The following CACNA2D3 variants were observed in gnomAD, a reference collection of about 807,000 sequenced individuals.
CACNA2D3 encodes voltage-dependent calcium channel subunit alpha-2/delta-3.
Under a neutral mutation model 160.6 loss-of-function variants are expected in CACNA2D3, and 60 were observed. That is an observed-to-expected ratio of 0.37 (90% confidence interval 0.30 to 0.46). The LOEUF is 0.46. CACNA2D3 is among the 20% of genes least tolerant of loss of function. The pLI is 1.00. For synonymous variants in CACNA2D3, 558 were observed against 492.9 expected (o/e 1.13, Z -1.75); for missense variants, 1,205 against 1,365.0 (o/e 0.88, Z 1.85).
At chr3:54,862,221 A>G (rs1042467051) in intron 17 of CACNA2D3, among the ~76,000 whole-genome samples, 4 of 152,202 alleles carry the variant, frequency 2.6e-5, no homozygotes, top group Non-Finnish European at 5.9e-5. Context: ...AGAGAGACTC[A>G]GCTGGAAGGA....
chr3:54,148,257 G>A (rs1700074210), intron 2 of CACNA2D3, among the ~76,000 whole-genome samples: 1 of 152,216 alleles, frequency 6.6e-6, no homozygotes, highest in South Asian at 2.1e-4. Context: ...TCCCTCCCTT[G>A]AAGGGCTCAC....
At chr3:54,612,878 C>G (rs1009497616) in intron 9 of CACNA2D3, among the ~76,000 whole-genome samples, 1 of 152,194 alleles carries the variant, frequency 6.6e-6, no homozygotes, top group East Asian at 1.9e-4. Context: ...TTATTACCCC[C>G]ACAGTCCTAC....
chr3:54,463,585 A>G (rs1575469798), intron 4 of CACNA2D3, among the ~76,000 whole-genome samples: 1 of 150,216 alleles, frequency 6.7e-6, no homozygotes, highest in Non-Finnish European at 1.5e-5. Context: ...AGGCTTCTGC[A>G]TTCTTCACAG....
At chr3:54,319,157 GACACACACACACACACAC>G (rs58790730) in intron 2 of CACNA2D3, among the ~76,000 whole-genome samples, 6 of 138,966 alleles carry the variant, frequency 4.3e-5, no homozygotes, top group Admixed American at 1.5e-4. Flanking sequence ...AGCATTTTGT[GACACACACACACACACAC>G]ACACACACAC....
chr3:54,938,141 T>C (rs575915188), intron 27 of CACNA2D3, among the ~76,000 whole-genome samples: 45 of 152,320 alleles, frequency 3.0e-4, no homozygotes, highest in Non-Finnish European at 4.9e-4. Context: ...GGCAGCAGAA[T>C]GGCAGAGTTG....
Position 54,386,791 on chromosome 3 carries a change from T to C in CACNA2D3, c.381+17T>C. Reference sequence around the variant, plus strand: ...GACTTACAGGTAACTGATTATAGTTTGAGTTAAATTGTTTTGTGTGTTTCC... The same window carrying C: ...GACTTACAGGTAACTGATTATAGTTCGAGTTAAATTGTTTTGTGTGTTTCC... On this transcript the variant is annotated intron_variant, in intron 4 of 37. Transcript: ENST00000474759. 6.3e-7 allele frequency: 1 copy of C among 1,576,700 alleles called. No homozygotes were observed. The highest frequency in any genetic ancestry group is 8.6e-7 in the Non-Finnish European group (1 of 1,158,900).
intron 27 of CACNA2D3, among the ~76,000 whole-genome samples, chr3:54,912,039 C>T (rs2106910764): frequency 6.6e-6 from 1 of 152,260 alleles, no homozygotes; most frequent in African/African-American, 2.4e-5. Context: ...CATCTGAAGG[C>T]TCAACAGAGG....
intron 2 of CACNA2D3, among the ~76,000 whole-genome samples, chr3:54,236,392 G>A (rs1354931080): frequency 6.6e-6 from 1 of 152,118 alleles, no homozygotes; most frequent in African/African-American, 2.4e-5. Context: ...GAGGAAACTG[G>A]GCGTGCGACA....
chr3:54,424,034 G>A (rs376596369), intron 4 of CACNA2D3, among the ~76,000 whole-genome samples: 1 of 152,132 alleles, frequency 6.6e-6, no homozygotes, highest in South Asian at 2.1e-4. Flanking sequence ...TACTATAGCT[G>A]CACACCACCA....
intron 2 of CACNA2D3, among the ~76,000 whole-genome samples, chr3:54,212,702 C>G (rs1211885585): frequency 6.6e-6 from 1 of 152,016 alleles, no homozygotes; most frequent in Non-Finnish European, 1.5e-5. Context: ...ATGCCCTTGG[C>G]TGAGAGGGGA....
chr3:54,985,786 G>C (rs924500862), intron 30 of CACNA2D3, among the ~76,000 whole-genome samples: 1 of 152,074 alleles, frequency 6.6e-6, no homozygotes, highest in East Asian at 1.9e-4. Context: ...TATAAACAGG[G>C]GCTCCAGGAA....
At chr3:54,316,495 C>T (rs962906455) in intron 2 of CACNA2D3, among the ~76,000 whole-genome samples, 1 of 152,112 alleles carries the variant, frequency 6.6e-6, no homozygotes, top group East Asian at 1.9e-4. Context: ...GAGATACTTC[C>T]CCAGGATGAT....
chr3:54,219,462 T>C (rs972749722), intron 2 of CACNA2D3, among the ~76,000 whole-genome samples: 3 of 152,214 alleles, frequency 2.0e-5, no homozygotes, highest in Admixed American at 6.5e-5. Flanking sequence ...TGTGGATGTT[T>C]AGAAGCATTA....
At chr3:54,269,089 C>T (rs1702570061) in intron 2 of CACNA2D3, among the ~76,000 whole-genome samples, 1 of 152,110 alleles carries the variant, frequency 6.6e-6, no homozygotes, top group Non-Finnish European at 1.5e-5. Context: ...TGAGCCCCTG[C>T]TCTGCTCAGC....
At chr3:54,920,273 T>C (rs1461250174) in intron 27 of CACNA2D3, among the ~76,000 whole-genome samples, 1 of 152,186 alleles carries the variant, frequency 6.6e-6, no homozygotes, top group Non-Finnish European at 1.5e-5. Context: ...AGATAAGTCA[T>C]AAGTGGCCCT....
At chr3:54,388,336 C>T (rs951765800) in intron 4 of CACNA2D3, among the ~76,000 whole-genome samples, 8 of 152,286 alleles carry the variant, frequency 5.3e-5, no homozygotes, top group Admixed American at 6.5e-5. Flanking sequence ...CAGTACTCAC[C>T]GTTGGCTGAA....
Position 54,675,874 on chromosome 3 carries a change from A to G in CACNA2D3, c.1167+33633A>G, listed in dbSNP as rs1166594594. Among the ~76,000 whole-genome samples the G allele has an allele frequency of 3.3e-5, 5 of 152,068 alleles. No individual in the cohort carries two copies. In the South Asian group the frequency reaches 6.2e-4, roughly 19 times the overall value. ...AGCATTTCCCAAACCTGACCTCTCC[A>G]TTCCTGAACACCATCCCTTCCAAGA... On this transcript the variant is annotated intron_variant, in intron 11 of 37. Coordinates refer to ENST00000474759, the MANE Select transcript of CACNA2D3 (RefSeq NM_018398.3).
intron 13 of CACNA2D3, among the ~76,000 whole-genome samples, chr3:54,765,592 G>GA (rs1004317358): frequency 5.9e-5 from 9 of 152,160 alleles, no homozygotes; most frequent in African/African-American, 2.2e-4. Flanking sequence ...GGTAAGGCAG[G>GA]AAAAATAGGA....
At chr3:54,434,597 A>G (rs1057239389) in intron 4 of CACNA2D3, among the ~76,000 whole-genome samples, 1 of 152,206 alleles carries the variant, frequency 6.6e-6, no homozygotes, top group Non-Finnish European at 1.5e-5. Flanking sequence ...AGGTGCTGCC[A>G]TCTGATGCGC....
Sources: gnomAD v4.1 joint callset for allele counts (sites outside exome capture counted in the v4.1 genomes callset) on GRCh38, gnomAD v4.1.1 for gene constraint, MANE v1.5 for transcripts, NCBI Gene and HGNC (gene_info 2026-07-23, HGNC 2026-07-21) for gene names.